The following SNX25 variants were observed in gnomAD, a reference collection of about 807,000 sequenced individuals.
SNX25 encodes sorting nexin-25.
SNX25 carries 62 observed loss-of-function variants against 113.7 expected under a neutral mutation model. The ratio of observed to expected loss-of-function variants is 0.55; its 90% CI spans 0.44 to 0.67. The LOEUF is 0.67. SNX25 is among the 30% of genes least tolerant of loss of function. SNX25 has a pLI of 0.00. For missense variants in SNX25, 1,014 were observed against 1,161.0 expected, an observed-to-expected ratio of 0.87 and a Z score of 1.84; for synonymous variants, 421 against 436.2, an observed-to-expected ratio of 0.97 and a Z score of 0.43.
At chr4:185,367,303 C>CT (rs138875428), downstream of SNX25, 94,578 of 1,055,162 alleles carry the variant, frequency 0.09, 53 homozygotes, top group Non-Finnish European at 0.095. Context: ...GGTCTTTCTT[C>CT]TTTTTTTTTT....
chr4:185,259,197 G>T (rs1251668551), intron 3 of SNX25, 133 bp downstream of exon 3: 1 of 745,616 alleles, frequency 1.3e-6, no homozygotes, highest in Non-Finnish European at 2.1e-6. Context: ...GATTTATTAA[G>T]GGGGAATAAT....
chr4:185,208,698 A>C (rs548184085), upstream of SNX25, among the ~76,000 whole-genome samples: 6 of 152,060 alleles, frequency 3.9e-5, no homozygotes, highest in Non-Finnish European at 1.5e-5. Context: ...ACTGCACTCC[A>C]GCCTGGGCAA....
At chr4:185,370,528 A>G, downstream of SNX25, 1 of 1,065,096 alleles carries the variant, frequency 9.4e-7, no homozygotes, top group Non-Finnish European at 1.4e-6. Flanking sequence ...GACAGAGGTT[A>G]TCTGCACAGT....
At chr4:185,351,301 CA>C (rs754288133) in intron 13 of SNX25, 143 bp from the exon 14 acceptor site, 8 of 789,346 alleles carry the variant, frequency 1.0e-5, no homozygotes, top group African/African-American at 1.7e-5. Flanking sequence ...TAGTTTGTTT[CA>C]GGGGGAAAGG....
exon 1 of SNX25, chr4:185,204,416 G>A (rs556995317): frequency 2.0e-4 from 30 of 152,366 alleles, no homozygotes; most frequent in African/African-American, 7.2e-4. Context: ...TTAGTTCTGT[G>A]GACCAGAGGC....
At chr4:185,368,505 G>C (rs1400900842), downstream of SNX25, among the ~76,000 whole-genome samples, 1 of 152,118 alleles carries the variant, frequency 6.6e-6, no homozygotes, top group African/African-American at 2.4e-5. Context: ...GGACACTGCC[G>C]GTCCAGTGAA....
chr4:185,294,725 C>T (rs1372987050), intron 6 of SNX25, among the ~76,000 whole-genome samples: 4 of 152,128 alleles, frequency 2.6e-5, no homozygotes, highest in Admixed American at 6.6e-5. Context: ...AAGTGACTTC[C>T]GCTAACTCAT....
intron 1 of SNX25, among the ~76,000 whole-genome samples, chr4:185,229,753 A>G (rs1394026420): frequency 2.6e-5 from 4 of 152,220 alleles, no homozygotes; most frequent in African/African-American, 9.6e-5. Flanking sequence ...TAAATTTCCA[A>G]GAATGGGTTT....
chr4:185,231,265 A>G (rs1355055110), intron 1 of SNX25, among the ~76,000 whole-genome samples: 1 of 151,000 alleles, frequency 6.6e-6, no homozygotes, highest in Non-Finnish European at 1.5e-5. Flanking sequence ...CGCCCGGCTA[A>G]TTTTTTTGTA....
At chr4:185,285,865 C>G (rs990746022) in intron 5 of SNX25, among the ~76,000 whole-genome samples, 1 of 151,876 alleles carries the variant, frequency 6.6e-6, no homozygotes, top group Non-Finnish European at 1.5e-5. Context: ...CTCAACCACC[C>G]AGGCTCAAGT....
intron 10 of SNX25, among the ~76,000 whole-genome samples, chr4:185,333,393 G>A (rs1209503543): frequency 2.0e-5 from 3 of 152,144 alleles, no homozygotes; most frequent in Admixed American, 6.5e-5. Context: ...CAACATGAAA[G>A]CAACTTAGAA....
chr4:185,357,858 C>T (rs531775257), intron 16 of SNX25, 121 bp downstream of exon 16: 13 of 828,440 alleles, frequency 1.6e-5, no homozygotes, highest in East Asian at 2.6e-5. Context: ...TCTCACTTTT[C>T]GTTTCTGATA....
At chr4:185,318,502 A>G (rs1303467677) in intron 7 of SNX25, among the ~76,000 whole-genome samples, 1 of 152,164 alleles carries the variant, frequency 6.6e-6, no homozygotes, top group East Asian at 1.9e-4. Context: ...CATACGGAGG[A>G]ATTTTATGGG....
intron 10 of SNX25, among the ~76,000 whole-genome samples, chr4:185,338,999 C>CA (rs964881013): frequency 6.0e-5 from 9 of 151,226 alleles, no homozygotes; most frequent in African/African-American, 1.5e-4. Flanking sequence ...TTTATTTCTG[C>CA]AAAAAAAAGT....
chr4:185,309,384 C>CAG (rs1458987645), intron 6 of SNX25, among the ~76,000 whole-genome samples: 15 of 152,336 alleles, frequency 9.8e-5, no homozygotes, highest in African/African-American at 3.1e-4. Context: ...TTCTACTTTG[C>CAG]AGAGGCAGAT....
downstream of SNX25, among the ~76,000 whole-genome samples, chr4:185,368,292 T>C (rs1358405513): frequency 1.3e-5 from 2 of 152,178 alleles, no homozygotes; most frequent in African/African-American, 2.4e-5. Flanking sequence ...CCTAACACTC[T>C]AGGAAGTGGG....
At chr4:185,242,353 C>T (rs1469681017) in intron 1 of SNX25, among the ~76,000 whole-genome samples, 1 of 152,108 alleles carries the variant, frequency 6.6e-6, no homozygotes, top group South Asian at 2.1e-4. Context: ...AAGTGAAGCT[C>T]AGTCCCCAAG....
At chr4:185,376,041 A>T in the SNX25 span, among the ~76,000 whole-genome samples, 1 of 151,994 alleles carries the variant, frequency 6.6e-6, no homozygotes, top group Non-Finnish European at 1.5e-5. Context: ...GGTGAAAGAC[A>T]GTCAGTCCCT....
intron 1 of SNX25, among the ~76,000 whole-genome samples, chr4:185,224,781 G>T (rs1740719287): frequency 6.6e-6 from 1 of 151,736 alleles, no homozygotes; most frequent in East Asian, 1.9e-4. Flanking sequence ...GCCAGTGGGA[G>T]CCCTTTTTAG....
Sources: allele counts gnomAD v4.1 joint callset (sites outside exome capture counted in the v4.1 genomes callset), GRCh38; gene constraint gnomAD v4.1.1; transcripts MANE v1.5; gene names NCBI Gene and HGNC (gene_info 2026-07-23, HGNC 2026-07-21).